The following MROH1 variants were observed in gnomAD, a reference collection of about 807,000 sequenced individuals.
The protein encoded by MROH1 is maestro heat like repeat family member 1, also known as maestro heat-like repeat-containing protein family member 1.
Under a neutral mutation model 116.5 loss-of-function variants are expected in MROH1, and 117 were observed. The ratio of observed to expected loss-of-function variants is 1.00; its 90% CI spans 0.86 to 1.17. The LOEUF is 1.17. MROH1 is among the 50% of genes most tolerant of loss of function. MROH1 has a pLI of 0.00. For missense variants in MROH1, 1,873 were observed against 1,338.5 expected (o/e 1.40, Z -6.23); for synonymous variants, 921 against 583.9 (o/e 1.58, Z -8.32).
At chr8:144,168,571 C>G in intron 4 of MROH1, 131 bp downstream of exon 4, 1 of 1,059,656 alleles carries the variant, frequency 9.4e-7, no homozygotes. Flanking sequence ...CATGTCTAAC[C>G]CCCTCCACAC....
chr8:144,251,420 ATCT>A (rs1427471445), intron 33 of MROH1: 5 of 152,328 alleles, frequency 3.3e-5, no homozygotes, highest in African/African-American at 7.2e-5. Flanking sequence ...TTTTTTAAAA[ATCT>A]TCTTTCTTGT....
intron 14 of MROH1, among the ~76,000 whole-genome samples, chr8:144,225,889 T>C (rs1309569300): frequency 6.9e-6 from 1 of 144,052 alleles, no homozygotes; most frequent in African/African-American, 2.6e-5. Context: ...GATTCACATA[T>C]AGGCCTATGA....
At chr8:144,161,184 T>C (rs1336143238) in intron 2 of MROH1, 95 bp downstream of exon 2, 4 of 152,322 alleles carry the variant, frequency 2.6e-5, no homozygotes, top group Admixed American at 2.0e-4. Context: ...TAAGGACTCA[T>C]GTGATTAGTT....
intron 1 of MROH1, among the ~76,000 whole-genome samples, chr8:144,154,302 A>G (rs1817542166): frequency 6.6e-6 from 1 of 152,172 alleles, no homozygotes; most frequent in Non-Finnish European, 1.5e-5. Flanking sequence ...TCTTGACCTC[A>G]AGTGATCCGC....
intron 12 of MROH1, chr8:144,213,113 G>T (rs1204999245): frequency 1.3e-6 from 1 of 773,226 alleles, no homozygotes; most frequent in Non-Finnish European, 2.4e-6. Flanking sequence ...GCCCGCGTCT[G>T]TTGCTTGAGT....
At chr8:144,218,919 C>T (rs541008005) in intron 12 of MROH1, among the ~76,000 whole-genome samples, 86 of 123,238 alleles carry the variant, frequency 7.0e-4, no homozygotes, top group Middle Eastern at 3.6e-3. Flanking sequence ...ACTGCAACCT[C>T]CGCCTCCTGG....
At chr8:144,186,342 G>A (rs1048198865) in intron 7 of MROH1, among the ~76,000 whole-genome samples, 9 of 151,924 alleles carry the variant, frequency 5.9e-5, no homozygotes, top group South Asian at 2.1e-4. Context: ...GGCTGGTCTC[G>A]AACTCCTGAC....
rs1188937814 is a variant in MROH1, at chr8:144,243,885, C to G, written c.2498C>G (p.Pro833Arg). Residue 833 changes from proline to arginine, a missense_variant, in exon 26 of 44, where the codon CCG (proline) becomes CGG (arginine). Physicochemically the swap from Pro to Arg is moderately radical, Grantham distance 103 (BLOSUM62 -2). Coordinates refer to ENST00000326134, the MANE Select transcript of MROH1 (RefSeq NM_032450.3). ...QMMEFIRAEP[P>R]DSLRTPIRKK... ...CAGGAGTTCATCAGGGCAGAGCCCC[C>G]GGACTCCTTGAGGACACCTATTCGG... is the stretch of plus-strand genomic sequence containing the variant. 1.0e-5 allele frequency: 8 copies of G among 780,242 alleles called. No individual in the cohort carries two copies. Among genetic ancestry groups the G allele is most frequent in the Admixed American group, 3.4e-5 (2 of 58,962 alleles). The allele number at this position is 780,242 out of a possible 1,614,324, so 48.3% of individuals were successfully genotyped here. A position where few individuals can be genotyped will look rare whatever the true frequency, so the allele number is the denominator to read the frequency against.
intron 30 of MROH1, 31 bp from the exon 31 acceptor site, chr8:144,247,536 G>A: frequency 1.3e-6 from 1 of 763,764 alleles, no homozygotes; most frequent in South Asian, 1.4e-5. Context: ...GGAGGGCCTG[G>A]GCCCGACTGC....
Position 144,250,081 on chromosome 8 carries a change from G to A in MROH1, c.3274-131G>A. ...ACGGGGGATCCTGGCCCTACCTCAG[G>A]CTGGAACCAGCAGTATGGAGCTCTG... On this transcript the variant is annotated intron_variant, in intron 32 of 43. Coordinates refer to ENST00000326134, the MANE Select transcript of MROH1 (RefSeq NM_032450.3). The A allele has an allele frequency of 4.4e-6, 3 of 675,108 alleles. No homozygotes were observed. In the South Asian group the frequency reaches 4.8e-5, roughly 11 times the overall value. The allele number at this position is 675,108 out of a possible 1,614,324, so 41.8% of individuals were successfully genotyped here. A position where few individuals can be genotyped will look rare whatever the true frequency, so the allele number is the denominator to read the frequency against.
Position 144,241,060 on chromosome 8 carries a change from C to T in MROH1, c.2004C>T (p.His668=). Reference sequence around the variant, plus strand: ...CAAGTAAGGAGGTGGTGAGGAAGCACCTTCAAGAGCTGCTGGAGACGGCCA... The same window carrying T: ...CAAGTAAGGAGGTGGTGAGGAAGCATCTTCAAGAGCTGCTGGAGACGGCCA... ...AASSKEVVRK[H]LQELLETARY... Residue 668 remains histidine, a synonymous_variant, in exon 21 of 44, where the codon CAC becomes CAT. Coordinates refer to ENST00000326134, the MANE Select transcript of MROH1 (RefSeq NM_032450.3). 1.3e-6 allele frequency: 1 copy of T among 775,984 alleles called. No homozygotes were observed. The highest frequency in any genetic ancestry group is 2.4e-6 in the Non-Finnish European group (1 of 415,954). 48.1% of individuals were successfully genotyped at this position (775,984 alleles called of 1,614,324 possible).
At chr8:144,208,041 G>T (rs1163391514) in intron 12 of MROH1, among the ~76,000 whole-genome samples, 1 of 151,724 alleles carries the variant, frequency 6.6e-6, no homozygotes, top group Non-Finnish European at 1.5e-5. Context: ...CACCTCCCAG[G>T]TTCAAGTGAT....
intron 35 of MROH1, among the ~76,000 whole-genome samples, chr8:144,258,369 A>C (rs1381509672): frequency 3.3e-5 from 5 of 152,176 alleles, no homozygotes; most frequent in African/African-American, 1.2e-4. Context: ...AGGGCTGTGG[A>C]GTCTCCTGGG....
At chr8:144,241,216 G>A (rs1027012705) in intron 21 of MROH1, 105 bp downstream of exon 21, 56 of 700,082 alleles carry the variant, frequency 8.0e-5, no homozygotes, top group African/African-American at 7.5e-4. Context: ...CTGTGTGTGC[G>A]TGTGTGCATA....
At chr8:144,205,726 C>T (rs1011642059) in intron 12 of MROH1, among the ~76,000 whole-genome samples, 9 of 152,242 alleles carry the variant, frequency 5.9e-5, no homozygotes, top group African/African-American at 9.6e-5. Flanking sequence ...CCCATGACTT[C>T]GGAAGCCTTC....
intron 1 of MROH1, among the ~76,000 whole-genome samples, chr8:144,152,121 A>T (rs1231594184): frequency 6.6e-6 from 1 of 152,252 alleles, no homozygotes; most frequent in Non-Finnish European, 1.5e-5. Flanking sequence ...AAGTTTAACT[A>T]TAAATGAAGC....
chr8:144,249,034 G>C lies in MROH1; in HGVS notation c.3273+5G>C. On this transcript the variant is annotated splice_donor_5th_base_variant and intron_variant, in intron 32 of 43. Coordinates refer to ENST00000326134, the MANE Select transcript of MROH1 (RefSeq NM_032450.3). Reference sequence around the variant, plus strand: ...GGCGGTGTGCTCCAGGAGAAGGTGGGAGAGGGCGGGGCGCGGGGGGTGCTC... The same window carrying C: ...GGCGGTGTGCTCCAGGAGAAGGTGGCAGAGGGCGGGGCGCGGGGGGTGCTC... 1.4e-6 allele frequency: 1 copy of C among 707,020 alleles called. No individual in the cohort carries two copies. The highest frequency in any genetic ancestry group is 1.5e-5 in the South Asian group (1 of 67,030). The allele number at this position is 707,020 out of a possible 1,614,324, so 43.8% of individuals were successfully genotyped here. A position where few individuals can be genotyped will look rare whatever the true frequency, so the allele number is the denominator to read the frequency against.
Position 144,157,413 on chromosome 8 carries a change from T to C in MROH1, c.-176-3557T>C, listed in dbSNP as rs1399094780. 5.3e-5 allele frequency among the ~76,000 whole-genome samples: 8 copies of C among 152,328 alleles called. No homozygotes were observed. In the South Asian group the frequency reaches 1.7e-3, roughly 32 times the overall value. On this transcript the variant is annotated intron_variant, in intron 1 of 43. Transcript: ENST00000326134. ...GTCTTTGGTTTTGTTATGAGAGTAA[T>C]GCTCAGAAAATTAGTTGGGAAGTAG...
chr8:144,154,642 G>A (rs1475779188), intron 1 of MROH1, among the ~76,000 whole-genome samples: 2 of 150,718 alleles, frequency 1.3e-5, no homozygotes, highest in Non-Finnish European at 3.0e-5. Context: ...TTAATTCTGT[G>A]TAGCTGTGAT....
Sources: allele counts gnomAD v4.1 joint callset (sites outside exome capture counted in the v4.1 genomes callset), GRCh38; gene constraint gnomAD v4.1.1; transcripts MANE v1.5; gene names NCBI Gene and HGNC (gene_info 2026-07-23, HGNC 2026-07-21).